Variants in AMD1 observed in about 807,000 individuals in gnomAD.
The protein encoded by AMD1 is S-adenosylmethionine decarboxylase proenzyme.
In AMD1, 11 loss-of-function variants were observed where a neutral mutation model predicts 40.2. The observed-to-expected ratio is 0.27, with a 90% confidence interval of 0.17 to 0.45. The LOEUF (loss-of-function observed/expected upper bound fraction) is 0.45, where lower values mean the gene tolerates loss of function less well. Ranked by LOEUF, AMD1 falls within the 20% of genes least tolerant of loss-of-function variation. The pLI is 1.00. For missense variants in AMD1, 257 were observed against 410.2 expected (o/e 0.63, Z 3.23); for synonymous variants, 121 against 130.8 (o/e 0.93, Z 0.51).
the AMD1 span, among the ~76,000 whole-genome samples, chr6:110,867,597 G>T: frequency 6.6e-6 from 1 of 152,154 alleles, no homozygotes. Flanking sequence ...CAGGGAAGTG[G>T]AGGTTGCAGT....
At chr6:110,855,715 G>A in the AMD1 span, among the ~76,000 whole-genome samples, 1 of 152,082 alleles carries the variant, frequency 6.6e-6, no homozygotes, top group Admixed American at 6.6e-5. Flanking sequence ...TGACAAAAAT[G>A]GACTTTTAAA....
the AMD1 span, among the ~76,000 whole-genome samples, chr6:110,847,519 C>T: frequency 4.3e-4 from 64 of 148,780 alleles, no homozygotes; most frequent in Middle Eastern, 3.5e-3. Flanking sequence ...AGCGAGACTC[C>T]GTCTCAAAAA....
chr6:110,858,605 TC>T, the AMD1 span: 7 of 1,563,300 alleles, frequency 4.5e-6, no homozygotes. Context: ...GCTGCAGGTG[TC>T]TCTTCTCGCC....
At chr6:110,846,835 A>T in the AMD1 span, among the ~76,000 whole-genome samples, 1 of 151,834 alleles carries the variant, frequency 6.6e-6, no homozygotes, top group Non-Finnish European at 1.5e-5. Context: ...GCGCCACTGC[A>T]CTCCAGCCTG....
chr6:110,872,123 A>C (rs1371995849), upstream of AMD1, among the ~76,000 whole-genome samples: 1 of 152,200 alleles, frequency 6.6e-6, no homozygotes, highest in Non-Finnish European at 1.5e-5. Context: ...TTTGGCAAAA[A>C]GTGGGCCTTG....
At chr6:110,867,220 T>C in the AMD1 span, among the ~76,000 whole-genome samples, 2 of 151,470 alleles carry the variant, frequency 1.3e-5, no homozygotes, top group African/African-American at 4.9e-5. Flanking sequence ...CAATCATAGC[T>C]CACTGTAACC....
upstream of AMD1, among the ~76,000 whole-genome samples, chr6:110,871,988 C>T (rs926508784): frequency 1.3e-5 from 2 of 152,136 alleles, no homozygotes; most frequent in Middle Eastern, 3.2e-3. Flanking sequence ...AGAGAGATGT[C>T]ACGAAAGCCT....
the AMD1 span, among the ~76,000 whole-genome samples, chr6:110,836,012 CAAA>C: frequency 2.6e-4 from 16 of 60,746 alleles, no homozygotes; most frequent in African/African-American, 7.4e-4. Flanking sequence ...GACCTTGACT[CAAA>C]AAAAAAAAAA....
chr6:110,845,789 T>G, the AMD1 span, among the ~76,000 whole-genome samples: 2 of 152,208 alleles, frequency 1.3e-5, no homozygotes, highest in Non-Finnish European at 2.9e-5. Flanking sequence ...ACTGTGGGAC[T>G]TCGCCTTGTG....
At chr6:110,862,516 G>A in the AMD1 span, among the ~76,000 whole-genome samples, 1 of 149,656 alleles carries the variant, frequency 6.7e-6, no homozygotes, top group Non-Finnish European at 1.5e-5. Context: ...GCCCAGATTG[G>A]AGTGCAGTGT....
At chr6:110,864,596 A>G in the AMD1 span, 6 of 152,218 alleles carry the variant, frequency 3.9e-5, no homozygotes, top group South Asian at 8.3e-4. Context: ...TTAAATTTCA[A>G]TCTGACAGAT....
chr6:110,853,603 G>A, the AMD1 span, among the ~76,000 whole-genome samples: 1 of 152,078 alleles, frequency 6.6e-6, no homozygotes, highest in Non-Finnish European at 1.5e-5. Context: ...CACCGCACCT[G>A]GCCATTTTTG....
intron 1 of AMD1, among the ~76,000 whole-genome samples, chr6:110,883,064 G>T (rs1406127857): frequency 6.6e-6 from 1 of 152,204 alleles, no homozygotes; most frequent in Non-Finnish European, 1.5e-5. Flanking sequence ...GGCCAAGGCT[G>T]CAGTGAGCTG....
Position 110,875,025 on chromosome 6 carries a change from A to AGCGGCGGCG in AMD1, c.-78_-70dup. 9 of 1,081,296 alleles carry AGCGGCGGCG rather than the reference A, an allele frequency of 8.3e-6. No individual in the cohort carries two copies. In the South Asian group the frequency reaches 1.2e-4, roughly 14 times the overall value. The allele number at this position is 1,081,296 out of a possible 1,614,324, so 67.0% of individuals were successfully genotyped here. On this transcript the variant is annotated 5_prime_UTR_variant, in exon 1 of 9. Coordinates refer to ENST00000368885, the MANE Select transcript of AMD1 (RefSeq NM_001634.6). ...TAGTAACACAGCTGGAACAATCCGC[A>AGCGGCGGCG]GCGGCGGCGGCAGCGGCGGGAGAAG...
chr6:110,890,015 G>GA (rs571692334), intron 3 of AMD1: 91 of 251,026 alleles, frequency 3.6e-4, no homozygotes, highest in African/African-American at 2.0e-3. Flanking sequence ...TTAAAAAAAA[G>GA]AGAGAGAGAG....
the AMD1 span, among the ~76,000 whole-genome samples, chr6:110,844,896 G>T: frequency 6.6e-6 from 1 of 152,108 alleles, no homozygotes; most frequent in Admixed American, 6.6e-5. Flanking sequence ...AAGAAATGTG[G>T]TGCCTGCATC....
chr6:110,863,006 G>A, the AMD1 span, among the ~76,000 whole-genome samples: 121 of 151,544 alleles, frequency 8.0e-4, no homozygotes, highest in African/African-American at 2.6e-3. Context: ...GTGCAGTGGC[G>A]TGATCTCGGC....
At chr6:110,824,080 G>A in the AMD1 span, among the ~76,000 whole-genome samples, 1 of 152,056 alleles carries the variant, frequency 6.6e-6, no homozygotes, top group African/African-American at 2.4e-5. Flanking sequence ...TCTACCCAAA[G>A]GAAAATAAGT....
chr6:110,825,483 G>C, the AMD1 span, among the ~76,000 whole-genome samples: 2 of 152,134 alleles, frequency 1.3e-5, no homozygotes, highest in Non-Finnish European at 2.9e-5. Flanking sequence ...ATATTTGATT[G>C]ATAGTCATTT....
Sources: gnomAD v4.1 joint callset for allele counts (sites outside exome capture counted in the v4.1 genomes callset) on GRCh38, gnomAD v4.1.1 for gene constraint, MANE v1.5 for transcripts, NCBI Gene and HGNC (gene_info 2026-07-23, HGNC 2026-07-21) for gene names.